NMNAT2: variants seen among roughly 807,000 people sequenced by gnomAD.
The protein encoded by NMNAT2 is nicotinamide nucleotide adenylyltransferase 2.
A neutral mutation model predicts 41.6 loss-of-function variants in NMNAT2; 11 were observed. The ratio of observed to expected loss-of-function variants is 0.26; its 90% confidence interval spans 0.17 to 0.44. NMNAT2 has a LOEUF of 0.44. NMNAT2 is among the 20% of genes least tolerant of loss of function. The probability of loss-of-function intolerance (pLI) is 1.00; values close to 1 mark genes in which losing one functional copy is unlikely to be tolerated. For missense variants in NMNAT2, 288 were observed against 407.7 expected (o/e 0.71, Z 2.53); for synonymous variants, 148 against 151.2 (o/e 0.98, Z 0.16).
chr1:183,329,721 C>T (rs1412827360), intron 1 of NMNAT2, among the ~76,000 whole-genome samples: 1 of 152,126 alleles, frequency 6.6e-6, no homozygotes, highest in Non-Finnish European at 1.5e-5. Context: ...TTGATAACCC[C>T]CAAGGTGAGA....
At chr1:183,270,100 A>G (rs577066) in intron 8 of NMNAT2, among the ~76,000 whole-genome samples, 147,355 of 152,232 alleles carry the variant, frequency 0.97, 71,509 homozygotes, top group East Asian at 1. Context: ...TAGCCAGGAT[A>G]GTCTCGATCT....
intron 8 of NMNAT2, among the ~76,000 whole-genome samples, chr1:183,273,979 C>T (rs536146764): frequency 6.6e-6 from 1 of 151,658 alleles, no homozygotes; most frequent in Non-Finnish European, 1.5e-5. Context: ...GTGGCACAAT[C>T]TTGGCTCACT....
intron 1 of NMNAT2, among the ~76,000 whole-genome samples, chr1:183,377,201 T>A (rs1196053797): frequency 2.6e-5 from 4 of 152,074 alleles, no homozygotes; most frequent in African/African-American, 9.7e-5. Context: ...TGCAACATTA[T>A]ATCTGGAGAA....
chr1:183,331,079 C>A (rs1662573049), intron 1 of NMNAT2, among the ~76,000 whole-genome samples: 1 of 151,816 alleles, frequency 6.6e-6, no homozygotes, highest in Non-Finnish European at 1.5e-5. Context: ...TATTCAAGAT[C>A]CAGGCTGATT....
chr1:183,389,736 AAAAG>A lies in NMNAT2; in HGVS notation c.85+28443_85+28446del, dbSNP rs1186159050. The stretch of plus-strand genomic sequence containing the variant: ...GGGCAACAGAGCAAGACCCTGTCAA[AAAAG>A]AAAGAAAGAAAGAAAGAAAGAAAGA... On this transcript the variant is annotated intron_variant, in intron 1 of 10. Coordinates refer to ENST00000287713, the MANE Select transcript of NMNAT2 (RefSeq NM_015039.4). Among the ~76,000 whole-genome samples the A allele has an allele frequency of 2.0e-3, 152 of 76,452 alleles. 1 individual carries two copies. Among genetic ancestry groups the A allele is most frequent in the Non-Finnish European group, 2.6e-3 (100 of 38,586 alleles). The allele number at this position is 76,452 out of a possible 152,430, so 50.2% of individuals were successfully genotyped here.
chr1:183,414,660 T>G (rs1444871862), intron 1 of NMNAT2, among the ~76,000 whole-genome samples: 1 of 152,232 alleles, frequency 6.6e-6, no homozygotes, highest in East Asian at 1.9e-4. Context: ...CAAATATCTC[T>G]CACAAATACT....
intron 1 of NMNAT2, among the ~76,000 whole-genome samples, chr1:183,296,422 C>T (rs1476337673): frequency 6.6e-6 from 1 of 152,082 alleles, no homozygotes. Context: ...ATATTCCTAC[C>T]AGGAATGAAT....
At chr1:183,350,061 C>T (rs1312841702) in intron 1 of NMNAT2, among the ~76,000 whole-genome samples, 2 of 152,182 alleles carry the variant, frequency 1.3e-5, no homozygotes, top group South Asian at 2.1e-4. Context: ...TACATTGAAA[C>T]CCTGCTGTGC....
chr1:183,417,053 AAG>A (rs1181051016), intron 1 of NMNAT2, among the ~76,000 whole-genome samples: 1 of 152,052 alleles, frequency 6.6e-6, no homozygotes, highest in Non-Finnish European at 1.5e-5. Flanking sequence ...TTTCAAGAAA[AAG>A]CACCCCCAAC....
Position 183,284,680 on chromosome 1 carries a change from G to T in NMNAT2, c.529+30C>A, listed in dbSNP as rs1343265121. 2.5e-6 allele frequency: 4 copies of T among 1,572,062 alleles called. No homozygotes were observed. In the South Asian group the frequency reaches 3.3e-5, roughly 13 times the overall value. On this transcript the variant is annotated intron_variant, in intron 6 of 10. Coordinates refer to ENST00000287713, the MANE Select transcript of NMNAT2 (RefSeq NM_015039.4). ...GGGAGGAGAGAAAGAAAAGAGACAG[G>T]ACTGGGAATCAAGTTCCTTGGTTCC...
intron 1 of NMNAT2, among the ~76,000 whole-genome samples, chr1:183,407,676 A>G (rs767842306): frequency 1.3e-5 from 2 of 152,234 alleles, no homozygotes; most frequent in African/African-American, 2.4e-5. Context: ...ACAATGTGCT[A>G]AGTACTATAA....
At chr1:183,343,424 CT>C (rs1445303976) in intron 1 of NMNAT2, among the ~76,000 whole-genome samples, 3 of 152,218 alleles carry the variant, frequency 2.0e-5, no homozygotes, top group Non-Finnish European at 4.4e-5. Flanking sequence ...TCTCCAGTTG[CT>C]TCTCTATCCC....
chr1:183,275,014 C>A (rs751434332), intron 8 of NMNAT2, among the ~76,000 whole-genome samples: 1 of 152,078 alleles, frequency 6.6e-6, no homozygotes, highest in African/African-American at 2.4e-5. Context: ...CAGCACGAGG[C>A]CTCCAGACTC....
chr1:183,262,584 TAAC>T (rs1377605931), intron 8 of NMNAT2, among the ~76,000 whole-genome samples: 2 of 152,222 alleles, frequency 1.3e-5, no homozygotes. Context: ...CAATTATACA[TAAC>T]ACTTTAATGA....
chr1:183,390,385 T>A lies in NMNAT2; in HGVS notation c.85+27798A>T, dbSNP rs1648444823. ...CTCAGTTTCCTTATTATAACGGAGC[T>A]GAGCCTGAGAAAGCATCCCATCTTG... On this transcript the variant is annotated intron_variant, in intron 1 of 10. Transcript: ENST00000287713. Among the ~76,000 whole-genome samples, 3 of 152,318 alleles carry A rather than the reference T, an allele frequency of 2.0e-5. No homozygotes were observed. In the South Asian group the frequency reaches 6.2e-4, roughly 32 times the overall value.
At chr1:183,253,231 ATATT>A (rs1410369721) in intron 10 of NMNAT2, among the ~76,000 whole-genome samples, 2 of 148,076 alleles carry the variant, frequency 1.4e-5, no homozygotes, top group South Asian at 2.1e-4. Context: ...GTTATATTAC[ATATT>A]TATTATATAT....
chr1:183,308,315 G>A lies in NMNAT2; in HGVS notation c.86-14522C>T, dbSNP rs1202046970. On this transcript the variant is annotated intron_variant, in intron 1 of 10. Transcript: ENST00000287713. The stretch of plus-strand genomic sequence containing the variant: ...TAAAATGACACTGATTAGTGCCCGT[G>A]AGGATGGGGAAGTGTACATTCTAAC... 2.0e-5 allele frequency among the ~76,000 whole-genome samples: 3 copies of A among 152,298 alleles called. No individual in the cohort carries two copies. The East Asian group carries it at 5.8e-4, about 29-fold the overall frequency.
intron 1 of NMNAT2, among the ~76,000 whole-genome samples, chr1:183,296,097 G>C (rs1300604962): frequency 6.6e-6 from 1 of 152,138 alleles, no homozygotes; most frequent in Non-Finnish European, 1.5e-5. Context: ...AGATCCGCCT[G>C]CCACGGCCTC....
intron 8 of NMNAT2, among the ~76,000 whole-genome samples, chr1:183,265,828 A>G (rs912155826): frequency 6.6e-5 from 10 of 152,210 alleles, no homozygotes; most frequent in African/African-American, 2.2e-4. Flanking sequence ...GACTCTGCAG[A>G]TATGATTAAA....
Sources: allele counts gnomAD v4.1 joint callset (sites outside exome capture counted in the v4.1 genomes callset), GRCh38; gene constraint gnomAD v4.1.1; transcripts MANE v1.5; gene names NCBI Gene and HGNC (gene_info 2026-07-23, HGNC 2026-07-21).